SNX25: variants seen among roughly 807,000 people sequenced by gnomAD.
SNX25 encodes the protein sorting nexin-25.
A neutral mutation model predicts 113.7 loss-of-function variants in SNX25; 62 were observed. The ratio of observed to expected loss-of-function variants is 0.55; its 90% confidence interval spans 0.44 to 0.67. SNX25 has a LOEUF of 0.67. Among genes scored for constraint, SNX25 ranks in the 30% least tolerant of loss-of-function variants. SNX25 has a pLI of 0.00. For synonymous variants in SNX25, 421 were observed against 436.2 expected, an observed-to-expected ratio of 0.97 and a Z score of 0.43; for missense variants, 1,014 against 1,161.0, an observed-to-expected ratio of 0.87 and a Z score of 1.84.
intron 15 of SNX25, among the ~76,000 whole-genome samples, chr4:185,357,256 T>G (rs1185813335): frequency 6.6e-6 from 1 of 152,244 alleles, no homozygotes. Flanking sequence ...CATTAATATT[T>G]CAAAATATTT....
upstream of SNX25, among the ~76,000 whole-genome samples, chr4:185,208,595 G>A (rs150181255): frequency 0.028 from 4,238 of 152,028 alleles, 188 homozygotes; most frequent in African/African-American, 0.097. Context: ...AGGTGTGGTG[G>A]TGCGTGCCTG....
intron 7 of SNX25, among the ~76,000 whole-genome samples, chr4:185,314,973 A>G (rs371192747): frequency 6.6e-6 from 1 of 151,718 alleles, no homozygotes; most frequent in African/African-American, 2.4e-5. Context: ...TCACGCCTGT[A>G]GTCCCAGCAC....
intron 6 of SNX25, among the ~76,000 whole-genome samples, chr4:185,291,569 G>A (rs1752173547): frequency 6.6e-6 from 1 of 152,218 alleles, no homozygotes; most frequent in African/African-American, 2.4e-5. Context: ...GAGGCAAGAA[G>A]TCTAAAATCA....
intron 1 of SNX25, 95 bp from the exon 2 acceptor site, chr4:185,247,199 G>T (rs755511263): frequency 3.8e-6 from 3 of 795,826 alleles, no homozygotes; most frequent in Non-Finnish European, 6.2e-6. Flanking sequence ...TTATCTTAAT[G>T]CTTGTTTAGA....
chr4:185,312,473 T>C (rs2095038190), intron 7 of SNX25, among the ~76,000 whole-genome samples: 1 of 152,052 alleles, frequency 6.6e-6, no homozygotes, highest in African/African-American at 2.4e-5. Context: ...TATCTGGCAG[T>C]GTCTACTAGA....
intron 2 of SNX25, among the ~76,000 whole-genome samples, chr4:185,254,944 T>C (rs1489898790): frequency 1.3e-5 from 2 of 152,112 alleles, no homozygotes; most frequent in African/African-American, 2.4e-5. Flanking sequence ...TTTTTTTCTT[T>C]AGTTGGCGTC....
At chr4:185,207,566 C>G (rs1737240127), upstream of SNX25, among the ~76,000 whole-genome samples, 1 of 152,104 alleles carries the variant, frequency 6.6e-6, no homozygotes, top group Non-Finnish European at 1.5e-5. Context: ...AAGAATTTAA[C>G]CTTTTTTTTT....
At chr4:185,316,792 C>G (rs1561004624) in intron 7 of SNX25, among the ~76,000 whole-genome samples, 1 of 152,188 alleles carries the variant, frequency 6.6e-6, no homozygotes, top group Non-Finnish European at 1.5e-5. Context: ...GGCCCATCTT[C>G]CCTAGCCAAA....
chr4:185,376,960 C>T, the SNX25 span: 4 of 1,613,994 alleles, frequency 2.5e-6, no homozygotes, highest in South Asian at 4.4e-5. Context: ...TGTCTCCTTT[C>T]AGTATTCTTT....
Position 185,332,739 on chromosome 4 carries a change from G to A in SNX25, c.1894G>A (p.Ala632Thr), listed in dbSNP as rs1205588035. 10 of 1,613,480 alleles carry A rather than the reference G, an allele frequency of 6.2e-6. No individual in the cohort carries two copies. The highest frequency in any genetic ancestry group is 7.6e-6 in the Non-Finnish European group (9 of 1,179,824). ...GCAAGCTCTAAATTCTATTCAAAAT[G>A]CACCAAAACCTGACAAGAAGGTAAC... ...KRQALNSIQN[A>T]PKPDKKIVSK... Residue 632 changes from alanine to threonine, a missense_variant, in exon 10 of 19, where the codon GCA becomes ACA. Transcript: ENST00000652585.
chr4:185,290,834 G>T (rs919006127), intron 6 of SNX25, among the ~76,000 whole-genome samples: 1 of 152,172 alleles, frequency 6.6e-6, no homozygotes, highest in Non-Finnish European at 1.5e-5. Context: ...CTATAGCCAG[G>T]GACACACTGC....
At chr4:185,306,397 G>A (rs190513120) in intron 6 of SNX25, among the ~76,000 whole-genome samples, 123 of 152,342 alleles carry the variant, frequency 8.1e-4, no homozygotes, top group Non-Finnish European at 1.6e-3. Context: ...ACGCATTCAC[G>A]TGAGCAAGCC....
Position 185,320,962 on chromosome 4 carries a change from A to G in SNX25, c.1476+98A>G, listed in dbSNP as rs1246625670. 2.8e-6 allele frequency: 3 copies of G among 1,066,842 alleles called. No individual in the cohort carries two copies. The African/African-American group carries it at 4.9e-5, about 17-fold the overall frequency. 66.1% of individuals were successfully genotyped at this position (1,066,842 alleles called of 1,614,324 possible). A position where few individuals can be genotyped will look rare whatever the true frequency, so the allele number is the denominator to read the frequency against. ...TTTTTCTCAAGATAAGTATACATTA[A>G]AAATATTTTAAACCAAATATAATAC... On this transcript the variant is annotated intron_variant, in intron 8 of 18. Coordinates refer to ENST00000652585, the MANE Select transcript of SNX25 (RefSeq NM_001378034.2).
downstream of SNX25, among the ~76,000 whole-genome samples, chr4:185,371,644 G>A (rs1006665708): frequency 6.6e-6 from 1 of 151,538 alleles, no homozygotes; most frequent in Non-Finnish European, 1.5e-5. Flanking sequence ...TCAACTCCAT[G>A]TTAACCTCAA....
At chr4:185,377,213 G>A in the SNX25 span, 1 of 555,846 alleles carries the variant, frequency 1.8e-6, no homozygotes, top group African/African-American at 1.9e-5. Context: ...CTAACACTGT[G>A]CCTTGTGTAA....
chr4:185,226,499 G>A (rs1377080167), intron 1 of SNX25, among the ~76,000 whole-genome samples: 1 of 152,222 alleles, frequency 6.6e-6, no homozygotes, highest in Non-Finnish European at 1.5e-5. Context: ...TGCCCAGGCT[G>A]GGGTGCAGTG....
intron 17 of SNX25, 92 bp downstream of exon 17, chr4:185,362,197 A>G (rs1021105556): frequency 2.8e-6 from 4 of 1,426,246 alleles, no homozygotes; most frequent in South Asian, 3.3e-5. Flanking sequence ...TGCAGGAAAC[A>G]TTCTTTACAA....
chr4:185,221,225 G>T (rs924956099), intron 1 of SNX25, among the ~76,000 whole-genome samples: 25 of 152,148 alleles, frequency 1.6e-4, no homozygotes, highest in Non-Finnish European at 3.1e-4. Flanking sequence ...TAGAGACAGG[G>T]TTTCACCATG....
intron 1 of SNX25, among the ~76,000 whole-genome samples, chr4:185,221,756 C>T (rs933403057): frequency 2.3e-4 from 34 of 149,744 alleles, no homozygotes; most frequent in African/African-American, 7.6e-4. Flanking sequence ...CTCATAGTGC[C>T]GGGCTTTTTC....
Sources: gnomAD v4.1 joint callset for allele counts (sites outside exome capture counted in the v4.1 genomes callset) on GRCh38, gnomAD v4.1.1 for gene constraint, MANE v1.5 for transcripts, NCBI Gene and HGNC (gene_info 2026-07-23, HGNC 2026-07-21) for gene names.